Variants in SEC14L5 observed in about 807,000 individuals in gnomAD.
SEC14L5 encodes the protein SEC14-like protein 5.
In SEC14L5, 96 loss-of-function variants were observed where a neutral mutation model predicts 84.6. That is an observed-to-expected ratio of 1.13 (90% CI 0.96 to 1.34). The LOEUF is 1.34. Ranked by LOEUF, SEC14L5 falls within the 40% of genes most tolerant of loss-of-function variation. The probability of loss-of-function intolerance (pLI) is 0.00; values close to 1 mark genes in which losing one functional copy is unlikely to be tolerated. For missense variants in SEC14L5, 1,224 were observed against 942.5 expected, an observed-to-expected ratio of 1.30 and a Z score of -3.91; for synonymous variants, 546 against 383.4, an observed-to-expected ratio of 1.42 and a Z score of -4.95.
chr16:4,999,905 ACT>A (rs1250999314), intron 8 of SEC14L5, among the ~76,000 whole-genome samples: 16 of 152,054 alleles, frequency 1.1e-4, no homozygotes, highest in Non-Finnish European at 2.2e-4. Flanking sequence ...ATACAGTGAG[ACT>A]CTGTCTCAAA....
At chr16:4,973,818 G>C (rs1955307749) in intron 2 of SEC14L5, among the ~76,000 whole-genome samples, 1 of 151,912 alleles carries the variant, frequency 6.6e-6, no homozygotes, top group Non-Finnish European at 1.5e-5. Context: ...GAGTAGCTGG[G>C]ACTCCAGGTG....
At chr16:4,965,658 C>T (rs570247293) in intron 2 of SEC14L5, among the ~76,000 whole-genome samples, 1 of 36,098 alleles carries the variant, frequency 2.8e-5, no homozygotes, top group Non-Finnish European at 4.9e-5. Flanking sequence ...AAGACTCCAT[C>T]TCAAAAAAAA....
chr16:4,988,212 C>G lies in SEC14L5; in HGVS notation c.277C>G (p.Leu93Val), dbSNP rs1299849452. 3 of 1,613,768 alleles carry G rather than the reference C, an allele frequency of 1.9e-6. No homozygotes were observed. Among genetic ancestry groups the G allele is most frequent in the East Asian group, 2.2e-5 (1 of 44,876 alleles). Residue 93 changes from leucine to valine, a missense_variant, in exon 4 of 16, where the codon CTC becomes GTC. Coordinates refer to ENST00000251170, the MANE Select transcript of SEC14L5 (RefSeq NM_014692.2). ...TNILNWKERT[L>V]LIEAHNETFA... is the part of the protein sequence containing the mutation. ...CATCTTGAACTGGAAGGAGAGGACG[C>G]TCCTCATCGAAGCGCACAATGAGAC...
chr16:4,997,028 G>T lies in SEC14L5; in HGVS notation c.954G>T (p.Trp318Cys), dbSNP rs754150451. Residue 318 changes from tryptophan (W) to cysteine (C), a missense_variant, in exon 8 of 16, where the codon TGG becomes TGT. Coordinates refer to ENST00000251170, the MANE Select transcript of SEC14L5 (RefSeq NM_014692.2). ...TGGAGGAGTTCTATGCAGGGGGCTG[G>T]CATTACCAGGACATAGGTGCGTGCC... Reference protein sequence around the residue: ...ALLEEFYAGGWHYQDIDGRPL... With the variant: ...ALLEEFYAGGCHYQDIDGRPL... 1.1e-5 allele frequency: 17 copies of T among 1,610,814 alleles called. No homozygotes were observed. Among genetic ancestry groups the T allele is most frequent in the Non-Finnish European group, 1.4e-5 (17 of 1,178,560 alleles).
intron 2 of SEC14L5, among the ~76,000 whole-genome samples, chr16:4,960,359 A>C (rs1955107884): frequency 6.6e-6 from 1 of 152,152 alleles, no homozygotes; most frequent in African/African-American, 2.4e-5. Context: ...ATGTATTGAA[A>C]GTGTAAGAAA....
chr16:4,992,856 ATGTGTGTACATGCATACATACATG>A (rs1955566230), intron 6 of SEC14L5, among the ~76,000 whole-genome samples: 1 of 152,172 alleles, frequency 6.6e-6, no homozygotes, highest in Non-Finnish European at 1.5e-5. Context: ...CCACACACAT[ATGTGTGTACATGCATACATACATG>A]TGTGTCTTAT....
At chr16:5,006,076 C>G (rs1172696067) in intron 12 of SEC14L5, 28 bp downstream of exon 12, 2 of 1,610,546 alleles carry the variant, frequency 1.2e-6, no homozygotes, top group African/African-American at 1.3e-5. Context: ...ACAGACAGAC[C>G]TGGGCTTGAG....
chr16:4,987,768 G>C, intron 3 of SEC14L5, 62 bp downstream of exon 3: 1 of 1,288,022 alleles, frequency 7.8e-7, no homozygotes, highest in Non-Finnish European at 1.0e-6. Context: ...CGGGAGGGCT[G>C]GGCGCGGGAG....
In SEC14L5 at chr16:5,018,585, T is replaced by G. The variant is rs2270257; in HGVS notation, c.*3615T>G. On this transcript the variant is annotated 3_prime_UTR_variant, in exon 16 of 16. Transcript: ENST00000251170. ...GGGAGGCTGAGGCAGAAGGATTGCT[T>G]GGAGGTCAAGGCTGGAGTGAGCCAT... 6.6e-6 allele frequency: 1 copy of G among 151,886 alleles called. No individual in the cohort carries two copies. The highest frequency in any genetic ancestry group is 1.5e-5 in the Non-Finnish European group (1 of 67,984). The allele number at this position is 151,886 out of a possible 1,614,324, so 9.4% of individuals were successfully genotyped here. A position where few individuals can be genotyped will look rare whatever the true frequency, so the allele number is the denominator to read the frequency against.
intron 12 of SEC14L5, among the ~76,000 whole-genome samples, chr16:5,007,069 A>G (rs1955740101): frequency 6.6e-6 from 1 of 152,134 alleles, no homozygotes; most frequent in Admixed American, 6.5e-5. Context: ...GCTGTGACGA[A>G]CGTGGGTTTG....
At chr16:4,962,129 G>A (rs1955129344) in intron 2 of SEC14L5, among the ~76,000 whole-genome samples, 1 of 138,532 alleles carries the variant, frequency 7.2e-6, no homozygotes, top group Non-Finnish European at 1.5e-5. Flanking sequence ...ACACAGTCCT[G>A]CACTCGAGCC....
chr16:4,977,762 C>T (rs1475370642), intron 2 of SEC14L5, among the ~76,000 whole-genome samples: 1 of 151,808 alleles, frequency 6.6e-6, no homozygotes. Context: ...ACTTGGCAGG[C>T]GTTTGAATTT....
chr16:4,970,592 C>G (rs1955262897), intron 2 of SEC14L5, among the ~76,000 whole-genome samples: 1 of 152,214 alleles, frequency 6.6e-6, no homozygotes, highest in Admixed American at 6.5e-5. Context: ...GTCATCCGCC[C>G]TCCCGGAGCC....
chr16:5,004,685 G>A (rs1955712224), intron 11 of SEC14L5, among the ~76,000 whole-genome samples: 1 of 152,148 alleles, frequency 6.6e-6, no homozygotes, highest in Non-Finnish European at 1.5e-5. Context: ...TGCACGGGGG[G>A]ATTGCAGTTT....
At position 5,006,065 on chromosome 16, in the gene SEC14L5, C is replaced by T; in HGVS notation, c.1437+17C>T. 2 of 1,612,490 alleles carry T rather than the reference C, an allele frequency of 1.2e-6. No homozygotes were observed. Among genetic ancestry groups the T allele is most frequent in the South Asian group, 2.2e-5 (2 of 90,918 alleles). On this transcript the variant is annotated intron_variant, in intron 12 of 15. Coordinates refer to ENST00000251170, the MANE Select transcript of SEC14L5 (RefSeq NM_014692.2). Reference sequence around the variant, plus strand: ...GAGAGTGTGGTGAGGCTTCCATGTCCACAGACAGACCTGGGCTTGAGGAGG... The same window carrying T: ...GAGAGTGTGGTGAGGCTTCCATGTCTACAGACAGACCTGGGCTTGAGGAGG...
At position 5,005,973 on chromosome 16, in the gene SEC14L5, C is replaced by A; in HGVS notation, c.1362C>A (p.Asn454Lys). 1.2e-6 allele frequency: 2 copies of A among 1,612,926 alleles called. No homozygotes were observed. Among genetic ancestry groups the A allele is most frequent in the Non-Finnish European group, 1.7e-6 (2 of 1,179,410 alleles). ...AGTTCCTCATCTACAGTGGCAGCAA[C>A]TACCAGGGACCCGGAGGCCTTGTGG... ...RRKFLIYSGS[N>K]YQGPGGLVDY... Residue 454 changes from asparagine (N) to lysine (K), a missense_variant, in exon 12 of 16, where the codon AAC (asparagine) becomes AAA (lysine). Physicochemically the swap from Asn to Lys is moderately conservative, Grantham distance 94. Transcript: ENST00000251170.
In SEC14L5 at chr16:4,970,300, C is replaced by T. The variant is rs370868375; in HGVS notation, c.63+10914C>T. On this transcript the variant is annotated intron_variant, in intron 2 of 15. Coordinates refer to ENST00000251170, the MANE Select transcript of SEC14L5 (RefSeq NM_014692.2). ...TTTGAGCCAGCCAGGCTGAGAGTTG[C>T]GGGGAAGCAGGGAGTGGGGAGGTGG... Among the ~76,000 whole-genome samples the T allele has an allele frequency of 1.2e-4, 19 of 152,108 alleles. No individual in the cohort carries two copies. The East Asian group carries it at 2.1e-3, about 17-fold the overall frequency.
intron 12 of SEC14L5, among the ~76,000 whole-genome samples, chr16:5,006,927 G>C (rs1274446196): frequency 6.6e-6 from 1 of 152,006 alleles, no homozygotes; most frequent in Admixed American, 6.6e-5. Context: ...GAAATCTCTC[G>C]ATGAGCACGG....
chr16:5,003,132 G>T (rs1955694451), intron 10 of SEC14L5, among the ~76,000 whole-genome samples: 1 of 152,262 alleles, frequency 6.6e-6, no homozygotes, highest in Admixed American at 6.5e-5. Flanking sequence ...GATGAGGACT[G>T]TTACTACCTT....
Sources: allele counts gnomAD v4.1 joint callset (sites outside exome capture counted in the v4.1 genomes callset), GRCh38; gene constraint gnomAD v4.1.1; transcripts MANE v1.5; gene names NCBI Gene and HGNC (gene_info 2026-07-23, HGNC 2026-07-21).